The following TENM3 variants were observed in gnomAD, a reference collection of about 807,000 sequenced individuals.
TENM3 encodes teneurin transmembrane protein 3.
TENM3 carries 63 observed loss-of-function variants against 255.1 expected under a neutral mutation model. The observed-to-expected ratio is 0.25, with a 90% CI of 0.20 to 0.30. The LOEUF (loss-of-function observed/expected upper bound fraction) is 0.30. Among genes scored for constraint, TENM3 ranks in the 10% least tolerant of loss-of-function variants. TENM3 has a pLI of 1.00. For synonymous variants in TENM3, 1,306 were observed against 1,322.3 expected, an observed-to-expected ratio of 0.99 and a Z score of 0.27; for missense variants, 2,929 against 3,461.1, an observed-to-expected ratio of 0.85 and a Z score of 3.86.
At chr4:181,767,493 A>C in the TENM3 span, among the ~76,000 whole-genome samples, 1 of 152,096 alleles carries the variant, frequency 6.6e-6, no homozygotes, top group Non-Finnish European at 1.5e-5. Context: ...AATACATTAT[A>C]ATTTCCGTTG....
the TENM3 span, among the ~76,000 whole-genome samples, chr4:182,036,718 C>T: frequency 5.3e-5 from 8 of 152,108 alleles, no homozygotes; most frequent in African/African-American, 9.7e-5. Context: ...TTATAGGAAC[C>T]GCTACTCTTG....
chr4:182,696,289 A>G (rs896664061), intron 12 of TENM3, among the ~76,000 whole-genome samples: 2 of 152,368 alleles, frequency 1.3e-5, no homozygotes, highest in African/African-American at 4.8e-5. Context: ...ACTATCGCAT[A>G]GAATATAGAC....
the TENM3 span, among the ~76,000 whole-genome samples, chr4:181,800,876 C>A: frequency 6.6e-5 from 10 of 152,024 alleles, no homozygotes; most frequent in African/African-American, 2.4e-4. Context: ...AATAAAATGC[C>A]GGTGTATTTC....
the TENM3 span, among the ~76,000 whole-genome samples, chr4:182,023,190 T>C: frequency 1.8e-4 from 28 of 152,190 alleles, no homozygotes; most frequent in African/African-American, 6.8e-4. Context: ...AAAACATTCC[T>C]CTTTTAAACT....
Position 182,257,687 on chromosome 4 carries a change from G to A in TENM3, c.-76+14211G>A, listed in dbSNP as rs560253458. On this transcript the variant is annotated intron_variant, in intron 1 of 27. Coordinates refer to ENST00000511685, the MANE Select transcript of TENM3 (RefSeq NM_001080477.4). ...ATCGCCAAGAACAAAAGGAGCCATGGGATTACCTGGGGGTGTTATGTAAGA... is the reference window on the plus strand; with the variant it reads ...ATCGCCAAGAACAAAAGGAGCCATGAGATTACCTGGGGGTGTTATGTAAGA... Among the ~76,000 whole-genome samples the A allele has an allele frequency of 3.3e-5, 5 of 152,238 alleles. No homozygotes were observed. The South Asian group carries it at 6.2e-4, about 19-fold the overall frequency.
chr4:181,647,978 G>A, the TENM3 span, among the ~76,000 whole-genome samples: 1 of 152,044 alleles, frequency 6.6e-6, no homozygotes, highest in Non-Finnish European at 1.5e-5. Flanking sequence ...TATTGTCAAG[G>A]ATAAAATTAA....
the TENM3 span, among the ~76,000 whole-genome samples, chr4:182,061,742 T>C: frequency 6.6e-6 from 1 of 152,096 alleles, no homozygotes; most frequent in Non-Finnish European, 1.5e-5. Context: ...GAGGATCCCT[T>C]GGGCCAAGGA....
intron 1 of TENM3, among the ~76,000 whole-genome samples, chr4:182,171,527 A>T (rs1047993609): frequency 1.3e-5 from 2 of 152,128 alleles, no homozygotes; most frequent in African/African-American, 4.8e-5. Context: ...GCAGTGGCAC[A>T]ATCATAGCTC....
At chr4:182,082,756 G>T in the TENM3 span, among the ~76,000 whole-genome samples, 1 of 152,102 alleles carries the variant, frequency 6.6e-6, no homozygotes, top group Non-Finnish European at 1.5e-5. Context: ...AATACCAAAG[G>T]TATCTACGAG....
At chr4:181,525,396 C>CAAAAAAAAAAAA in the TENM3 span, among the ~76,000 whole-genome samples, 134 of 97,270 alleles carry the variant, frequency 1.4e-3, no homozygotes, top group African/African-American at 4.2e-3. Flanking sequence ...GACCCTGTTT[C>CAAAAAAAAAAAA]AAAAAAAAAA....
At chr4:182,439,852 C>T (rs898543288) in intron 3 of TENM3, among the ~76,000 whole-genome samples, 4 of 152,290 alleles carry the variant, frequency 2.6e-5, no homozygotes, top group Admixed American at 6.5e-5. Context: ...CTACTTGGGG[C>T]TTCTTCGTCG....
chr4:181,515,226 T>G, the TENM3 span, among the ~76,000 whole-genome samples: 1 of 152,214 alleles, frequency 6.6e-6, no homozygotes, highest in Admixed American at 6.5e-5. Flanking sequence ...GCTCACATTT[T>G]TCTACTTGGA....
intron 1 of TENM3, among the ~76,000 whole-genome samples, chr4:182,224,691 G>A (rs1019854402): frequency 6.6e-6 from 1 of 151,944 alleles, no homozygotes; most frequent in South Asian, 2.1e-4. Context: ...CTGCAGTAAG[G>A]CAATGGAGTA....
chr4:182,571,134 T>G (rs541351906), intron 3 of TENM3, among the ~76,000 whole-genome samples: 1 of 152,344 alleles, frequency 6.6e-6, no homozygotes, highest in South Asian at 2.1e-4. Flanking sequence ...AAATAACTAT[T>G]GTGCTTACTG....
intron 1 of TENM3, among the ~76,000 whole-genome samples, chr4:182,309,028 AC>A (rs1762294295): frequency 6.6e-6 from 1 of 152,130 alleles, no homozygotes; most frequent in African/African-American, 2.4e-5. Flanking sequence ...CCTAGCCCCT[AC>A]TGTCTCCACA....
chr4:182,003,778 T>C, the TENM3 span, among the ~76,000 whole-genome samples: 1 of 152,174 alleles, frequency 6.6e-6, no homozygotes, highest in Non-Finnish European at 1.5e-5. Context: ...TTTCTTGCTA[T>C]ATGCAATTCT....
In TENM3 at chr4:182,661,192, A is replaced by ATT. The variant is rs35208231; in HGVS notation, c.1111+7324_1111+7325dup. 1.5e-3 allele frequency among the ~76,000 whole-genome samples: 135 copies of ATT among 88,600 alleles called. 3 individuals are homozygous for ATT. Among genetic ancestry groups the ATT allele is most frequent in the African/African-American group, 4.7e-3 (102 of 21,584 alleles). The allele number at this position is 88,600 out of a possible 152,430, so 58.1% of individuals were successfully genotyped here. ...CAATTCCAATTGCTTTTAAATTTTAATTTTTTTTTTTTTTTTTTTTTTTTT... is the reference window on the plus strand; with the variant it reads ...CAATTCCAATTGCTTTTAAATTTTAATTTTTTTTTTTTTTTTTTTTTTTTTTT... On this transcript the variant is annotated intron_variant, in intron 6 of 27. Transcript: ENST00000511685.
intron 27 of TENM3, among the ~76,000 whole-genome samples, chr4:182,796,993 G>A (rs931116891): frequency 2.0e-5 from 3 of 152,186 alleles, no homozygotes; most frequent in African/African-American, 7.2e-5. Context: ...ACATAGAAAT[G>A]CAGAAGCTCA....
At chr4:181,708,335 G>T in the TENM3 span, among the ~76,000 whole-genome samples, 1 of 151,996 alleles carries the variant, frequency 6.6e-6, no homozygotes, top group Non-Finnish European at 1.5e-5. Flanking sequence ...GACATAATTT[G>T]GTTTGACAAT....
Sources: allele counts gnomAD v4.1 joint callset (sites outside exome capture counted in the v4.1 genomes callset), GRCh38; gene constraint gnomAD v4.1.1; transcripts MANE v1.5; gene names NCBI Gene and HGNC (gene_info 2026-07-23, HGNC 2026-07-21).